TUT7: variants seen among roughly 807,000 people sequenced by gnomAD.
The protein encoded by TUT7 is terminal uridylyltransferase 7.
A neutral mutation model predicts 165.9 loss-of-function variants in TUT7; 33 were observed. The observed-to-expected ratio is 0.20, with a 90% CI of 0.15 to 0.27. The LOEUF is 0.27. TUT7 is among the 10% of genes least tolerant of loss of function. TUT7 has a pLI of 1.00. For missense variants in TUT7, 1,338 were observed against 1,762.3 expected (o/e 0.76, Z 4.31); for synonymous variants, 552 against 608.1 (o/e 0.91, Z 1.36).
chr9:86,351,644 T>C (rs923557766), intron 2 of TUT7, among the ~76,000 whole-genome samples: 1 of 152,184 alleles, frequency 6.6e-6, no homozygotes, highest in Non-Finnish European at 1.5e-5. Flanking sequence ...AAACACCTTA[T>C]AGGTAACCAG....
intron 25 of TUT7, 151 bp from the exon 26 acceptor site, chr9:86,301,752 C>T: frequency 1.4e-6 from 2 of 1,449,048 alleles, no homozygotes; most frequent in African/African-American, 1.4e-5. Flanking sequence ...AAATGAAAAT[C>T]CATCTTCTCT....
At chr9:86,327,245 C>T (rs947337607) in intron 11 of TUT7, among the ~76,000 whole-genome samples, 3 of 152,240 alleles carry the variant, frequency 2.0e-5, no homozygotes, top group South Asian at 2.1e-4. Flanking sequence ...AATACCATAA[C>T]ATGAAACTGG....
chr9:86,345,299 A>T (rs1831658108), intron 4 of TUT7, 145 bp from the exon 5 acceptor site: 1 of 728,576 alleles, frequency 1.4e-6, no homozygotes, highest in Non-Finnish European at 2.2e-6. Flanking sequence ...CCTATCAAAC[A>T]TATACATACT....
At chr9:86,304,998 T>C (rs1827325381) in intron 23 of TUT7, 51 bp from the exon 24 acceptor site, 1 of 1,394,840 alleles carries the variant, frequency 7.2e-7, no homozygotes, top group South Asian at 1.2e-5. Context: ...GAAAAGAGAT[T>C]GTATTACAAA....
intron 26 of TUT7, among the ~76,000 whole-genome samples, chr9:86,297,342 A>G (rs187613135): frequency 1.9e-4 from 29 of 152,002 alleles, no homozygotes; most frequent in Non-Finnish European, 3.4e-4. Context: ...TATTATTATT[A>G]CCCCCTTTTT....
intron 22 of TUT7, 38 bp downstream of exon 22, chr9:86,308,391 T>C (rs777883653): frequency 1.9e-6 from 3 of 1,566,886 alleles, no homozygotes; most frequent in South Asian, 2.3e-5. Flanking sequence ...GTTCAAGCTC[T>C]ATAGTCTATT....
intron 17 of TUT7, among the ~76,000 whole-genome samples, chr9:86,315,891 T>A (rs1828678966): frequency 6.6e-6 from 1 of 152,188 alleles, no homozygotes; most frequent in East Asian, 1.9e-4. Flanking sequence ...TTCCTCCTGT[T>A]ATTTAAACAA....
intron 8 of TUT7, 92 bp downstream of exon 8, chr9:86,339,944 T>C (rs962344053): frequency 3.1e-6 from 3 of 978,756 alleles, no homozygotes; most frequent in Non-Finnish European, 3.2e-6. Flanking sequence ...AAAAAGCTTA[T>C]AATTCTAGAA....
intron 24 of TUT7, 59 bp downstream of exon 24, chr9:86,304,797 G>T: frequency 2.8e-6 from 3 of 1,057,334 alleles, no homozygotes; most frequent in Non-Finnish European, 4.2e-6. Flanking sequence ...CTGAAGTGAT[G>T]TGTACAAATT....
intron 17 of TUT7, among the ~76,000 whole-genome samples, chr9:86,313,750 T>C (rs920410223): frequency 9.9e-5 from 15 of 152,088 alleles, no homozygotes; most frequent in Admixed American, 9.8e-4. Context: ...ATTAATGGAG[T>C]TGGTTCCTGC....
rs780322849 is a variant in TUT7, at chr9:86,309,566, A to G, written c.3479T>C (p.Ile1160Thr). ...TAAGCTGCCTCTAGATGCATCACCA[A>G]TATCACACATCTAGACAGAAGGAAA... is the stretch of plus-strand genomic sequence containing the variant. ...TMKVFTKMCDIGDASRGSLSS... is the reference protein window; with the variant it reads ...TMKVFTKMCDTGDASRGSLSS... The change falls in exon 20 of 27, where the codon ATT (isoleucine) becomes ACT (threonine). Residue 1160 changes from isoleucine to threonine, a missense_variant. By Grantham distance (89) the Ile-to-Thr change is moderately conservative (BLOSUM62 -1). This residue lies in a region of TUT7 where 157 missense variants were observed against 357.5 expected (regional missense o/e 0.44). Transcript: ENST00000375963. 6.2e-7 allele frequency: 1 copy of G among 1,610,344 alleles called. No individual in the cohort carries two copies. Among genetic ancestry groups the G allele is most frequent in the Non-Finnish European group, 8.5e-7 (1 of 1,177,958 alleles).
In TUT7 at chr9:86,304,850, A is replaced by G. The variant is rs771876585; in HGVS notation, c.3978+6T>C. On this transcript the variant is annotated splice_donor_region_variant and intron_variant, in intron 24 of 26. Coordinates refer to ENST00000375963, the MANE Select transcript of TUT7 (RefSeq NM_024617.4). ...TTTTATTTTTTGGTATTTCCAACAC[A>G]CTTACCATTTTTGAGGGGTAGTCCT... is the stretch of plus-strand genomic sequence containing the variant. The G allele has an allele frequency of 6.3e-7, 1 of 1,592,384 alleles. No homozygotes were observed. The highest frequency in any genetic ancestry group is 1.8e-5 in the Admixed American group (1 of 56,680).
At chr9:86,346,794 T>C (rs1564099522) in intron 2 of TUT7, among the ~76,000 whole-genome samples, 1 of 152,178 alleles carries the variant, frequency 6.6e-6, no homozygotes, top group Non-Finnish European at 1.5e-5. Flanking sequence ...AAAATTATAC[T>C]CTGAAGGCAA....
intron 9 of TUT7, among the ~76,000 whole-genome samples, chr9:86,338,092 G>A (rs1830984854): frequency 6.6e-6 from 1 of 152,130 alleles, no homozygotes; most frequent in South Asian, 2.1e-4. Context: ...TTTAGCCAGT[G>A]AAGAGTGGGA....
intron 12 of TUT7, 145 bp from the exon 13 acceptor site, chr9:86,324,105 C>T (rs527470743): frequency 5.3e-6 from 4 of 757,706 alleles, no homozygotes; most frequent in Non-Finnish European, 7.8e-6. Flanking sequence ...TAAAAAAAAA[C>T]TGGGGGTGGG....
intron 18 of TUT7, 107 bp from the exon 19 acceptor site, chr9:86,310,124 GC>G: frequency 1.1e-6 from 1 of 917,922 alleles, no homozygotes; most frequent in Non-Finnish European, 1.6e-6. Context: ...TCACTATGTT[GC>G]CCAGGCTGGT....
intron 10 of TUT7, chr9:86,337,004 AT>A (rs1265349591): frequency 6.4e-6 from 1 of 156,616 alleles, no homozygotes. Flanking sequence ...GGAGAAATAG[AT>A]TAGAAACAGA....
At chr9:86,326,856 T>C (rs528465313) in intron 11 of TUT7, among the ~76,000 whole-genome samples, 1 of 152,356 alleles carries the variant, frequency 6.6e-6, no homozygotes, top group Admixed American at 6.5e-5. Context: ...GCAGCATGAT[T>C]AATCTTTCCA....
intron 24 of TUT7, 88 bp from the exon 25 acceptor site, chr9:86,303,289 A>G (rs1021762597): frequency 3.1e-5 from 19 of 612,058 alleles, no homozygotes; most frequent in South Asian, 2.0e-4. Context: ...TTATCTTACA[A>G]TTCAATGTTG....
Sources: allele counts gnomAD v4.1 joint callset (sites outside exome capture counted in the v4.1 genomes callset), GRCh38; gene constraint gnomAD v4.1.1; regional missense constraint gnomAD v4.1.1; transcripts MANE v1.5; gene names NCBI Gene and HGNC (gene_info 2026-07-23, HGNC 2026-07-21).